Variants in TSHZ2 observed in about 807,000 individuals in gnomAD.
TSHZ2 encodes teashirt zinc finger homeobox 2, also known as teashirt homolog 2.
A neutral mutation model predicts 74.4 loss-of-function variants in TSHZ2; 21 were observed. The ratio of observed to expected loss-of-function variants is 0.28; its 90% CI spans 0.20 to 0.41. TSHZ2 has a LOEUF of 0.41. Among genes scored for constraint, TSHZ2 ranks in the 10% least tolerant of loss-of-function variants. The pLI is 1.00. For missense variants in TSHZ2, 1,244 were observed against 1,293.5 expected (o/e 0.96, Z 0.59); for synonymous variants, 540 against 515.3 (o/e 1.05, Z -0.65).
chr20:53,486,077 A>C (rs1986283327), intron 2 of TSHZ2, among the ~76,000 whole-genome samples: 2 of 152,160 alleles, frequency 1.3e-5, no homozygotes, highest in African/African-American at 4.8e-5. Flanking sequence ...AGTCCCTGGC[A>C]ACCATCATTC....
chr20:53,172,296 A>G lies in TSHZ2; in HGVS notation c.41-81203A>G, dbSNP rs533545167. On this transcript the variant is annotated intron_variant, in intron 1 of 2. Coordinates refer to ENST00000371497, the MANE Select transcript of TSHZ2 (RefSeq NM_173485.6). Reference sequence around the variant, plus strand: ...TGATCAATTAATAAAAAGGCTTTTGAGGATTTTCTTTTTTCCATTTGTTTC... The same window carrying G: ...TGATCAATTAATAAAAAGGCTTTTGGGGATTTTCTTTTTTCCATTTGTTTC... Among the ~76,000 whole-genome samples, 5 of 152,338 alleles carry G rather than the reference A, an allele frequency of 3.3e-5. No individual in the cohort carries two copies. The East Asian group carries it at 9.6e-4, about 29-fold the overall frequency.
intron 2 of TSHZ2, among the ~76,000 whole-genome samples, chr20:53,268,400 C>G (rs1349667542): frequency 6.6e-6 from 1 of 152,238 alleles, no homozygotes; most frequent in African/African-American, 2.4e-5. Flanking sequence ...CAAATCCAGA[C>G]ATGGGCCGAG....
intron 2 of TSHZ2, among the ~76,000 whole-genome samples, chr20:53,441,614 G>A (rs753797234): frequency 2.7e-4 from 40 of 147,140 alleles, no homozygotes; most frequent in Non-Finnish European, 4.8e-4. Context: ...ATGGAGTCTC[G>A]CTCTGTCACC....
intron 2 of TSHZ2, among the ~76,000 whole-genome samples, chr20:53,372,169 A>G (rs1981498027): frequency 6.6e-6 from 1 of 151,870 alleles, no homozygotes; most frequent in African/African-American, 2.4e-5. Context: ...TTTTGAGGTG[A>G]CTCTCTTCAG....
At chr20:53,208,566 C>T (rs1340639318) in intron 1 of TSHZ2, 1 of 152,074 alleles carries the variant, frequency 6.6e-6, no homozygotes, top group Non-Finnish European at 1.5e-5. Context: ...GATAATGACT[C>T]CCAACACGTA....
At chr20:53,445,092 T>G (rs1027631018) in intron 2 of TSHZ2, among the ~76,000 whole-genome samples, 2 of 152,032 alleles carry the variant, frequency 1.3e-5, no homozygotes, top group African/African-American at 4.8e-5. Flanking sequence ...ATTAAAAAAA[T>G]AAAGGCAGGA....
intron 2 of TSHZ2, among the ~76,000 whole-genome samples, chr20:53,371,347 T>C (rs1981461903): frequency 6.6e-6 from 1 of 152,210 alleles, no homozygotes; most frequent in Non-Finnish European, 1.5e-5. Context: ...GTTTACAAAA[T>C]CTGTCTCTCC....
chr20:53,008,614 G>A (rs1309539432), intron 1 of TSHZ2, among the ~76,000 whole-genome samples: 1 of 150,440 alleles, frequency 6.6e-6, no homozygotes, highest in East Asian at 1.9e-4. Context: ...CAAAATGAAC[G>A]TCAAAAACAG....
At chr20:53,251,620 T>G (rs1323281077) in intron 1 of TSHZ2, among the ~76,000 whole-genome samples, 2 of 152,168 alleles carry the variant, frequency 1.3e-5, no homozygotes, top group Non-Finnish European at 2.9e-5. Flanking sequence ...AAAATCCACC[T>G]GTCAATTTGC....
chr20:53,167,630 CTCATA>C (rs1158354667), intron 1 of TSHZ2, among the ~76,000 whole-genome samples: 6 of 151,940 alleles, frequency 3.9e-5, no homozygotes, highest in Admixed American at 1.3e-4. Flanking sequence ...CTAGGTATTC[CTCATA>C]TCATATCAAT....
At chr20:53,182,245 C>T (rs747960653) in intron 1 of TSHZ2, among the ~76,000 whole-genome samples, 33 of 148,572 alleles carry the variant, frequency 2.2e-4, no homozygotes, top group Admixed American at 6.8e-4. Flanking sequence ...TCCTTCCTTC[C>T]TTCTATCATT....
intron 1 of TSHZ2, among the ~76,000 whole-genome samples, chr20:53,190,201 CTCTTTCTCTT>C (rs1465208013): frequency 7.0e-6 from 1 of 142,816 alleles, no homozygotes; most frequent in East Asian, 2.0e-4. Flanking sequence ...GTTTAGGTCT[CTCTTTCTCTT>C]TCTTTCTCTC....
chr20:53,175,387 C>T (rs1473082530), intron 1 of TSHZ2, among the ~76,000 whole-genome samples: 2 of 152,094 alleles, frequency 1.3e-5, no homozygotes, highest in African/African-American at 2.4e-5. Flanking sequence ...GGTGATCCAC[C>T]TGCCTCGGCC....
intron 1 of TSHZ2, among the ~76,000 whole-genome samples, chr20:53,217,742 T>C (rs1407688054): frequency 1.3e-5 from 2 of 152,208 alleles, no homozygotes; most frequent in Admixed American, 6.5e-5. Context: ...AAACAAAATA[T>C]GGCTAAGGGC....
At chr20:53,005,829 G>T (rs1483150322) in intron 1 of TSHZ2, among the ~76,000 whole-genome samples, 1 of 151,978 alleles carries the variant, frequency 6.6e-6, no homozygotes, top group African/African-American at 2.4e-5. Flanking sequence ...TCTCTGTTTT[G>T]AGAAATCTAT....
intron 2 of TSHZ2, among the ~76,000 whole-genome samples, chr20:53,295,121 T>C (rs6512877): frequency 0.27 from 41,845 of 152,168 alleles, 6,066 homozygotes; most frequent in African/African-American, 0.37. Flanking sequence ...AACAGAAATG[T>C]TTAACTAATG....
intron 1 of TSHZ2, among the ~76,000 whole-genome samples, chr20:53,146,835 C>A (rs987297850): frequency 6.6e-6 from 1 of 152,034 alleles, no homozygotes; most frequent in African/African-American, 2.4e-5. Context: ...GGTAGAGGAG[C>A]GAGGCGGGCG....
intron 2 of TSHZ2, among the ~76,000 whole-genome samples, chr20:53,339,294 C>CA (rs2145564537): frequency 6.6e-6 from 1 of 152,288 alleles, no homozygotes; most frequent in African/African-American, 2.4e-5. Flanking sequence ...GTGGTGGGCA[C>CA]ATTCAGGCCA....
intron 1 of TSHZ2, among the ~76,000 whole-genome samples, chr20:53,115,004 T>G (rs1600698108): frequency 1.3e-5 from 2 of 152,184 alleles, no homozygotes; most frequent in African/African-American, 4.8e-5. Flanking sequence ...GTGGCTGGTG[T>G]CCACTGAGAT....
Sources: allele counts gnomAD v4.1 joint callset (sites outside exome capture counted in the v4.1 genomes callset), GRCh38; gene constraint gnomAD v4.1.1; transcripts MANE v1.5; gene names NCBI Gene and HGNC (gene_info 2026-07-23, HGNC 2026-07-21).